NCOA1: variants seen among roughly 807,000 people sequenced by gnomAD.
The protein encoded by NCOA1 is Hin-2 protein.
In NCOA1, 35 loss-of-function variants were observed where a neutral mutation model predicts 150.9. The ratio of observed to expected loss-of-function variants is 0.23; its 90% CI spans 0.18 to 0.31. NCOA1 has a LOEUF of 0.31. Ranked by LOEUF, NCOA1 falls within the 10% of genes least tolerant of loss-of-function variation. NCOA1 has a pLI of 1.00. For synonymous variants in NCOA1, 590 were observed against 630.0 expected (o/e 0.94, Z 0.95); for missense variants, 1,491 against 1,749.3 (o/e 0.85, Z 2.63).
At chr2:24,554,515 T>TA (rs1225979515) in intron 1 of NCOA1, 1 of 151,992 alleles carries the variant, frequency 6.6e-6, no homozygotes, top group African/African-American at 2.4e-5. Context: ...AGGAGGAAAT[T>TA]ACGATAGAAA....
intron 3 of NCOA1, among the ~76,000 whole-genome samples, chr2:24,613,318 G>T (rs1484910663): frequency 6.6e-6 from 1 of 152,198 alleles, no homozygotes; most frequent in Non-Finnish European, 1.5e-5. Context: ...ACAGGAAGAA[G>T]CTCTCTGTTG....
chr2:24,492,820 A>G (rs1168968146), intron 1 of NCOA1, among the ~76,000 whole-genome samples: 1 of 152,184 alleles, frequency 6.6e-6, no homozygotes, highest in Non-Finnish European at 1.5e-5. Context: ...TGGTGCTTAC[A>G]TTTCAGTGAT....
intron 7 of NCOA1, among the ~76,000 whole-genome samples, chr2:24,680,600 CA>C (rs1418278056): frequency 6.6e-6 from 1 of 151,918 alleles, no homozygotes; most frequent in African/African-American, 2.4e-5. Flanking sequence ...GGATGTTGGT[CA>C]AAAGATGAAA....
At chr2:24,690,651 CAAAAAAAAAAAAAAA>C (rs70947837) in intron 8 of NCOA1, among the ~76,000 whole-genome samples, 3 of 38,434 alleles carry the variant, frequency 7.8e-5, no homozygotes, top group East Asian at 9.9e-4. Context: ...GATTCCATCT[CAAAAAAAAAAAAAAA>C]AAAAAAAAAA....
chr2:24,592,516 G>C (rs1364196602), intron 3 of NCOA1, among the ~76,000 whole-genome samples: 1 of 150,524 alleles, frequency 6.6e-6, no homozygotes, highest in Non-Finnish European at 1.5e-5. Flanking sequence ...CCTTGTTGCT[G>C]TAGCTTCATT....
At chr2:24,718,557 C>T (rs991773742) in intron 14 of NCOA1, among the ~76,000 whole-genome samples, 12 of 151,960 alleles carry the variant, frequency 7.9e-5, no homozygotes, top group Admixed American at 2.0e-4. Flanking sequence ...ACTGGGTGGG[C>T]GCGGTGGCTC....
intron 22 of NCOA1, among the ~76,000 whole-genome samples, chr2:24,766,361 T>C (rs966746423): frequency 6.6e-6 from 1 of 152,244 alleles, no homozygotes; most frequent in African/African-American, 2.4e-5. Context: ...TTTTATATGT[T>C]GACCTTTTTT....
intron 1 of NCOA1, among the ~76,000 whole-genome samples, chr2:24,500,104 C>G (rs1023310885): frequency 3.9e-5 from 6 of 151,940 alleles, no homozygotes; most frequent in African/African-American, 1.5e-4. Context: ...TTCTTTTTTT[C>G]TTTCTTTCTT....
chr2:24,652,088 C>G (rs1670734769), intron 4 of NCOA1, among the ~76,000 whole-genome samples: 1 of 152,084 alleles, frequency 6.6e-6, no homozygotes, highest in East Asian at 1.9e-4. Context: ...TAAATGTTCA[C>G]AGCAGCATTA....
intron 1 of NCOA1, among the ~76,000 whole-genome samples, chr2:24,522,455 A>C (rs557285095): frequency 9.4e-4 from 143 of 152,300 alleles, no homozygotes; most frequent in African/African-American, 3.2e-3. Flanking sequence ...CTCTCCAACT[A>C]TAGTAGAGGT....
intron 1 of NCOA1, among the ~76,000 whole-genome samples, chr2:24,528,003 T>G (rs1664722134): frequency 6.6e-6 from 1 of 152,210 alleles, no homozygotes; most frequent in African/African-American, 2.4e-5. Context: ...TGCCCATTTT[T>G]TAATTGAGTT....
intron 3 of NCOA1, among the ~76,000 whole-genome samples, chr2:24,632,218 G>A (rs987171475): frequency 6.6e-6 from 1 of 152,172 alleles, no homozygotes; most frequent in East Asian, 1.9e-4. Flanking sequence ...AATAGTAGTA[G>A]CAATCTCACT....
At chr2:24,534,280 G>A (rs1665027494) in intron 1 of NCOA1, among the ~76,000 whole-genome samples, 2 of 151,550 alleles carry the variant, frequency 1.3e-5, no homozygotes, top group South Asian at 2.1e-4. Context: ...CTGTGGGATC[G>A]GTGGTGATAA....
At chr2:24,622,531 G>A (rs1196599907) in intron 3 of NCOA1, among the ~76,000 whole-genome samples, 1 of 152,138 alleles carries the variant, frequency 6.6e-6, no homozygotes, top group African/African-American at 2.4e-5. Context: ...AAGATAGATT[G>A]TGCATTGTAA....
intron 5 of NCOA1, among the ~76,000 whole-genome samples, chr2:24,664,475 C>T (rs1437105693): frequency 6.6e-6 from 1 of 152,114 alleles, no homozygotes; most frequent in African/African-American, 2.4e-5. Flanking sequence ...CTTTGGGAGG[C>T]TGAGACGGGC....
intron 7 of NCOA1, among the ~76,000 whole-genome samples, chr2:24,674,030 C>A (rs1290090408): frequency 9.3e-6 from 1 of 106,994 alleles, no homozygotes; most frequent in Non-Finnish European, 2.3e-5. Flanking sequence ...ATCTTTACTC[C>A]CTGCATTCTC....
In NCOA1 at chr2:24,590,315, G is replaced by A. The variant is rs573906480; in HGVS notation, c.-175+5755G>A. On this transcript the variant is annotated intron_variant, in intron 3 of 22. Transcript: ENST00000348332. ...GAGCATATCTACTCTCAGTACTCCC[G>A]TTTCTCAAGACTTCCTTGGCTTTTC... Among the ~76,000 whole-genome samples, 5 of 152,194 alleles carry A rather than the reference G, an allele frequency of 3.3e-5. No homozygotes were observed. In the East Asian group the frequency reaches 5.8e-4, roughly 18 times the overall value.
chr2:24,666,514 G>A (rs1356857445), intron 6 of NCOA1, among the ~76,000 whole-genome samples: 1 of 152,150 alleles, frequency 6.6e-6, no homozygotes. Context: ...GAAGACACAA[G>A]TTGTGGAGTT....
intron 6 of NCOA1, among the ~76,000 whole-genome samples, chr2:24,672,772 TAG>T (rs1671743596): frequency 6.6e-6 from 1 of 152,220 alleles, no homozygotes; most frequent in Non-Finnish European, 1.5e-5. Flanking sequence ...TTTGGTTAAC[TAG>T]TCTGACAGAT....
Sources: gnomAD v4.1 joint callset for allele counts (sites outside exome capture counted in the v4.1 genomes callset) on GRCh38, gnomAD v4.1.1 for gene constraint, MANE v1.5 for transcripts, NCBI Gene and HGNC (gene_info 2026-07-23, HGNC 2026-07-21) for gene names.